The following FGGY variants were observed in gnomAD, a reference collection of about 807,000 sequenced individuals.
FGGY encodes the protein FGGY carbohydrate kinase domain containing.
FGGY carries 72 observed loss-of-function variants against 71.3 expected under a neutral mutation model. The ratio of observed to expected loss-of-function variants is 1.01; its 90% CI spans 0.84 to 1.23. The LOEUF is 1.23. Among genes scored for constraint, FGGY ranks in the 50% most tolerant of loss-of-function variants. FGGY has a pLI of 0.00. For missense variants in FGGY, 668 were observed against 682.3 expected (o/e 0.98, Z 0.23); for synonymous variants, 251 against 250.3 (o/e 1.00, Z -0.02).
chr1:59,360,968 A>G (rs1240207876), intron 4 of FGGY, among the ~76,000 whole-genome samples: 1 of 152,200 alleles, frequency 6.6e-6, no homozygotes, highest in Non-Finnish European at 1.5e-5. Flanking sequence ...ACAGCAGCTC[A>G]GAAACCAAAG....
intron 5 of FGGY, among the ~76,000 whole-genome samples, chr1:59,424,110 A>C (rs1454022267): frequency 4.6e-5 from 7 of 152,270 alleles, no homozygotes; most frequent in Non-Finnish European, 1.0e-4. Context: ...CCGAGATCTG[A>C]AAAGAAGCTA....
At chr1:59,641,288 T>C in intron 11 of FGGY, 2 of 1,610,544 alleles carry the variant, frequency 1.2e-6, no homozygotes, top group Non-Finnish European at 1.7e-6. Flanking sequence ...AGAGAACCAC[T>C]GGATATCTGT....
intron 14 of FGGY, among the ~76,000 whole-genome samples, chr1:59,695,561 A>C (rs1237308307): frequency 6.6e-6 from 1 of 152,216 alleles, no homozygotes; most frequent in Non-Finnish European, 1.5e-5. Flanking sequence ...GCATCTTACA[A>C]ATTTATTGCA....
intron 4 of FGGY, among the ~76,000 whole-genome samples, chr1:59,376,993 G>T (rs996947065): frequency 1.3e-5 from 2 of 152,178 alleles, no homozygotes; most frequent in African/African-American, 4.8e-5. Context: ...GGTTCCATTT[G>T]GGTCCTGATT....
intron 12 of FGGY, among the ~76,000 whole-genome samples, chr1:59,665,679 CTT>C (rs796736797): frequency 1.4e-5 from 2 of 145,428 alleles, no homozygotes; most frequent in Non-Finnish European, 1.5e-5. Context: ...AACCCTGTTC[CTT>C]TTTTTTTTTT....
intron 14 of FGGY, among the ~76,000 whole-genome samples, chr1:59,731,574 A>G (rs1319879054): frequency 2.0e-5 from 3 of 147,132 alleles, no homozygotes; most frequent in South Asian, 2.3e-4. Context: ...TACAGGAAGC[A>G]GTGGGGTTAG....
intron 14 of FGGY, among the ~76,000 whole-genome samples, chr1:59,723,173 G>T (rs990505534): frequency 2.6e-5 from 4 of 152,118 alleles, no homozygotes; most frequent in Admixed American, 2.6e-4. Flanking sequence ...TTGCTCTTGG[G>T]CTATTGTCAA....
intron 2 of FGGY, among the ~76,000 whole-genome samples, chr1:59,322,511 A>G (rs193244657): frequency 1.3e-5 from 2 of 152,126 alleles, no homozygotes; most frequent in African/African-American, 4.8e-5. Context: ...TCCGAGGTGC[A>G]CTCTTAACCA....
At chr1:59,614,455 A>G (rs2096727680) in intron 9 of FGGY, among the ~76,000 whole-genome samples, 1 of 152,202 alleles carries the variant, frequency 6.6e-6, no homozygotes, top group South Asian at 2.1e-4. Flanking sequence ...ACAACCCCTC[A>G]TGCTAAAAAC....
intron 6 of FGGY, among the ~76,000 whole-genome samples, chr1:59,508,888 T>C (rs906817318): frequency 1.1e-4 from 17 of 152,246 alleles, no homozygotes; most frequent in African/African-American, 3.9e-4. Flanking sequence ...TTATTAGGGA[T>C]GGTTGGCTGT....
At chr1:59,629,167 TAACA>T (rs1206795963) in intron 10 of FGGY, among the ~76,000 whole-genome samples, 1 of 152,076 alleles carries the variant, frequency 6.6e-6, no homozygotes, top group Admixed American at 6.5e-5. Flanking sequence ...TATACATATG[TAACA>T]AACCTGTACA....
intron 7 of FGGY, among the ~76,000 whole-genome samples, chr1:59,538,624 GA>G (rs1216403737): frequency 1.3e-5 from 2 of 151,146 alleles, no homozygotes; most frequent in Non-Finnish European, 2.9e-5. Flanking sequence ...ACTGGATTAA[GA>G]AAATGTGGCA....
chr1:59,414,010 G>T (rs1469886443), intron 5 of FGGY, among the ~76,000 whole-genome samples: 1 of 152,182 alleles, frequency 6.6e-6, no homozygotes, highest in African/African-American at 2.4e-5. Context: ...TCTACATGGA[G>T]CTGGGGACAA....
chr1:59,535,030 G>A (rs965833804), intron 7 of FGGY, among the ~76,000 whole-genome samples: 182 of 152,086 alleles, frequency 1.2e-3, no homozygotes, highest in African/African-American at 4.2e-3. Flanking sequence ...AAAAGACACA[G>A]ACTGGCAAAT....
chr1:59,748,088 T>C, intron 14 of FGGY, among the ~76,000 whole-genome samples: 1 of 152,120 alleles, frequency 6.6e-6, no homozygotes, highest in East Asian at 1.9e-4. Flanking sequence ...ACCAGTACCT[T>C]GCGTAAAATA....
chr1:59,385,656 G>C (rs532536287), intron 5 of FGGY, among the ~76,000 whole-genome samples: 2 of 152,154 alleles, frequency 1.3e-5, no homozygotes, highest in East Asian at 1.9e-4. Flanking sequence ...CCTCTAAAGA[G>C]ATTTGAGGTG....
intron 6 of FGGY, among the ~76,000 whole-genome samples, chr1:59,463,945 C>A (rs11207456): frequency 0.4 from 60,845 of 151,950 alleles, 12,387 homozygotes; most frequent in Middle Eastern, 0.5. Flanking sequence ...TGTCAATATT[C>A]CACAGATCAA....
chr1:59,742,414 A>T (rs775903725), intron 14 of FGGY, among the ~76,000 whole-genome samples: 32 of 152,186 alleles, frequency 2.1e-4, no homozygotes, highest in Admixed American at 3.3e-4. Flanking sequence ...CACTGACAAC[A>T]TATTTTCTTG....
At chr1:59,727,219 AT>A (rs1016068497) in intron 14 of FGGY, among the ~76,000 whole-genome samples, 24 of 152,156 alleles carry the variant, frequency 1.6e-4, no homozygotes, top group African/African-American at 4.8e-4. Flanking sequence ...AAAGGACGTG[AT>A]TTTTTTCTTT....
Sources: gnomAD v4.1 joint callset for allele counts (sites outside exome capture counted in the v4.1 genomes callset) on GRCh38, gnomAD v4.1.1 for gene constraint, MANE v1.5 for transcripts, NCBI Gene and HGNC (gene_info 2026-07-23, HGNC 2026-07-21) for gene names.